The following OXR1 variants were observed in gnomAD, a reference collection of about 807,000 sequenced individuals.
The protein encoded by OXR1 is oxidation resistance 1, also known as oxidation resistance protein 1.
OXR1 carries 41 observed loss-of-function variants against 104.6 expected under a neutral mutation model. That is an observed-to-expected ratio of 0.39 (90% CI 0.31 to 0.51). OXR1 has a LOEUF of 0.51. Ranked by LOEUF, OXR1 falls within the 20% of genes least tolerant of loss-of-function variation. The probability of loss-of-function intolerance (pLI) is 0.77; values close to 1 mark genes in which losing one functional copy is unlikely to be tolerated. For missense variants in OXR1, 955 were observed against 1,031.9 expected, an observed-to-expected ratio of 0.93 and a Z score of 1.02; for synonymous variants, 348 against 348.4, an observed-to-expected ratio of 1.00 and a Z score of 0.01.
rs906249963 is a variant in OXR1, at chr8:106,482,006, A to G, written c.24-36937A>G. On this transcript the variant is annotated intron_variant, in intron 2 of 16. Transcript: ENST00000517566. ...AGGAGAGTACACATGAAAAAATGAC[A>G]TGTACATAGTATTCAAGGATGCCTT... is the stretch of plus-strand genomic sequence containing the variant. 8.5e-5 allele frequency among the ~76,000 whole-genome samples: 13 copies of G among 152,208 alleles called. No individual in the cohort carries two copies. In the South Asian group the frequency reaches 2.7e-3, roughly 32 times the overall value.
chr8:106,631,203 A>G (rs987761985), intron 3 of OXR1, among the ~76,000 whole-genome samples: 2 of 152,180 alleles, frequency 1.3e-5, no homozygotes, highest in African/African-American at 4.8e-5. Context: ...AATCCTCCTT[A>G]TACCCTAGTT....
intron 3 of OXR1, among the ~76,000 whole-genome samples, chr8:106,649,337 A>G (rs906450106): frequency 3.3e-5 from 5 of 152,100 alleles, no homozygotes; most frequent in African/African-American, 1.2e-4. Flanking sequence ...TGCATACAAA[A>G]TTTACAGAAG....
intron 3 of OXR1, among the ~76,000 whole-genome samples, chr8:106,666,637 A>G (rs866548298): frequency 3.0e-4 from 46 of 152,320 alleles, no homozygotes; most frequent in African/African-American, 1.1e-3. Context: ...TGGATGGACA[A>G]TTGCTAAGAG....
intron 3 of OXR1, among the ~76,000 whole-genome samples, chr8:106,564,390 T>C (rs890821725): frequency 1.3e-5 from 2 of 151,760 alleles, no homozygotes; most frequent in African/African-American, 2.4e-5. Context: ...CTAGAAGAAA[T>C]TGATAAATTC....
intron 3 of OXR1, chr8:106,604,897 G>A (rs904419212): frequency 2.6e-5 from 4 of 152,096 alleles, no homozygotes; most frequent in Non-Finnish European, 5.9e-5. Flanking sequence ...TGTTTGTGTG[G>A]GCCTGGGCAC....
At chr8:106,338,786 A>G (rs1288948784) in intron 1 of OXR1, among the ~76,000 whole-genome samples, 1 of 152,066 alleles carries the variant, frequency 6.6e-6, no homozygotes, top group Non-Finnish European at 1.5e-5. Flanking sequence ...TCCATGCTTT[A>G]TAACTTGTAA....
intron 11 of OXR1, among the ~76,000 whole-genome samples, chr8:106,729,440 T>C (rs1157002502): frequency 6.6e-6 from 1 of 152,086 alleles, no homozygotes; most frequent in Non-Finnish European, 1.5e-5. Context: ...ATGTAAAGTA[T>C]TTCCATTTGA....
At chr8:106,660,973 C>T (rs930571168) in intron 3 of OXR1, among the ~76,000 whole-genome samples, 2 of 152,052 alleles carry the variant, frequency 1.3e-5, no homozygotes, top group African/African-American at 2.4e-5. Context: ...CCCTACTGCA[C>T]TCCAGCCTGG....
At chr8:106,704,523 G>A (rs1474133415) in intron 8 of OXR1, among the ~76,000 whole-genome samples, 2 of 147,372 alleles carry the variant, frequency 1.4e-5, no homozygotes, top group African/African-American at 2.5e-5. Flanking sequence ...TTAGCCTTCC[G>A]AGTAGCTGAG....
At chr8:106,294,355 C>A (rs1299935991) in intron 1 of OXR1, among the ~76,000 whole-genome samples, 1 of 138,298 alleles carries the variant, frequency 7.2e-6, no homozygotes, top group Non-Finnish European at 1.5e-5. Context: ...CGAGATGCAC[C>A]ATTGCACTCC....
intron 2 of OXR1, among the ~76,000 whole-genome samples, chr8:106,361,975 G>A (rs1816264453): frequency 6.6e-6 from 1 of 152,156 alleles, no homozygotes; most frequent in African/African-American, 2.4e-5. Flanking sequence ...ATCATAACAA[G>A]GAGAGCTACA....
At chr8:106,317,865 T>C (rs1814037577) in intron 1 of OXR1, among the ~76,000 whole-genome samples, 1 of 151,906 alleles carries the variant, frequency 6.6e-6, no homozygotes, top group Non-Finnish European at 1.5e-5. Context: ...AGAAAATAGC[T>C]TTTTTTGGTA....
At chr8:106,520,199 T>G (rs985574710) in intron 3 of OXR1, among the ~76,000 whole-genome samples, 1 of 152,038 alleles carries the variant, frequency 6.6e-6, no homozygotes, top group Non-Finnish European at 1.5e-5. Flanking sequence ...TTAAGATGAT[T>G]GAAATCTTTT....
chr8:106,591,391 A>G (rs1819079811), intron 3 of OXR1, among the ~76,000 whole-genome samples: 1 of 151,294 alleles, frequency 6.6e-6, no homozygotes, highest in Admixed American at 6.6e-5. Flanking sequence ...ACATGTATAC[A>G]TATGTAACAA....
chr8:106,580,638 G>T (rs1005992641), intron 3 of OXR1, among the ~76,000 whole-genome samples: 3 of 151,938 alleles, frequency 2.0e-5, no homozygotes, highest in African/African-American at 7.3e-5. Context: ...TTAATTTTTT[G>T]AGGAAACTCC....
intron 2 of OXR1, among the ~76,000 whole-genome samples, chr8:106,396,830 C>T (rs1817801516): frequency 6.6e-6 from 1 of 151,960 alleles, no homozygotes; most frequent in Non-Finnish European, 1.5e-5. Context: ...TTAGGAGAAA[C>T]TAGATGAAGG....
intron 6 of OXR1, among the ~76,000 whole-genome samples, chr8:106,692,395 G>T (rs142415164): frequency 6.6e-6 from 1 of 152,086 alleles, no homozygotes; most frequent in Non-Finnish European, 1.5e-5. Context: ...GTGTGTGCAC[G>T]TGTGTGTATG....
intron 2 of OXR1, among the ~76,000 whole-genome samples, chr8:106,458,019 G>T (rs942336476): frequency 6.6e-6 from 1 of 152,038 alleles, no homozygotes; most frequent in Non-Finnish European, 1.5e-5. Flanking sequence ...AGAAAAATTT[G>T]GAAAACTCTC....
At chr8:106,443,118 T>C (rs892526827) in intron 2 of OXR1, among the ~76,000 whole-genome samples, 2 of 152,152 alleles carry the variant, frequency 1.3e-5, no homozygotes, top group Non-Finnish European at 2.9e-5. Context: ...TTTGTTCTCA[T>C]TGGTTTCAAA....
Sources: gnomAD v4.1 joint callset for allele counts (sites outside exome capture counted in the v4.1 genomes callset) on GRCh38, gnomAD v4.1.1 for gene constraint, MANE v1.5 for transcripts, NCBI Gene and HGNC (gene_info 2026-07-23, HGNC 2026-07-21) for gene names.